The following SPICE1 variants were observed in gnomAD, a reference collection of about 807,000 sequenced individuals.
SPICE1 encodes the protein spindle and centriole-associated protein 1.
In SPICE1, 75 loss-of-function variants were observed where a neutral mutation model predicts 102.7. The ratio of observed to expected loss-of-function variants is 0.73; its 90% CI spans 0.61 to 0.88. The LOEUF (loss-of-function observed/expected upper bound fraction) is 0.88, where lower values mean the gene tolerates loss of function less well. SPICE1 is among the 40% of genes least tolerant of loss of function. The pLI is 0.00. For synonymous variants in SPICE1, 308 were observed against 350.3 expected, an observed-to-expected ratio of 0.88 and a Z score of 1.35; for missense variants, 979 against 1,020.1, an observed-to-expected ratio of 0.96 and a Z score of 0.55.
intron 1 of SPICE1, among the ~76,000 whole-genome samples, chr3:113,512,337 C>T (rs1937236849): frequency 6.6e-6 from 1 of 152,038 alleles, no homozygotes; most frequent in Non-Finnish European, 1.5e-5. Context: ...ATTTACTAAT[C>T]CTTAGTTCTA....
At chr3:113,504,796 C>G (rs1465488527) in intron 2 of SPICE1, among the ~76,000 whole-genome samples, 1 of 152,084 alleles carries the variant, frequency 6.6e-6, no homozygotes, top group Non-Finnish European at 1.5e-5. Flanking sequence ...ATCTACAAGC[C>G]ATTTCAGAAA....
chr3:113,452,190 C>T (rs1295893138), intron 14 of SPICE1, among the ~76,000 whole-genome samples: 2 of 152,182 alleles, frequency 1.3e-5, no homozygotes, highest in Admixed American at 1.3e-4. Context: ...GTTTATTTAA[C>T]TTACAAAACT....
chr3:113,454,721 G>GAA (rs758376797), intron 13 of SPICE1, among the ~76,000 whole-genome samples: 1 of 138,630 alleles, frequency 7.2e-6, no homozygotes, highest in Non-Finnish European at 1.6e-5. Flanking sequence ...CATCTCAAAG[G>GAA]AAAAAAAAAA....
intron 5 of SPICE1, 62 bp from the exon 6 acceptor site, chr3:113,493,374 C>G: frequency 7.8e-7 from 1 of 1,282,774 alleles, no homozygotes; most frequent in South Asian, 1.2e-5. Flanking sequence ...TTCACAAGCT[C>G]TATACTGCCA....
At chr3:113,470,467 T>C (rs918470870) in intron 7 of SPICE1, among the ~76,000 whole-genome samples, 3 of 152,214 alleles carry the variant, frequency 2.0e-5, no homozygotes, top group African/African-American at 7.2e-5. Context: ...CCATGACATA[T>C]GCAAGACACA....
chr3:113,477,651 C>T lies in SPICE1; in HGVS notation c.612-8413G>A, dbSNP rs376363743. Among the ~76,000 whole-genome samples, 228 of 151,926 alleles carry T rather than the reference C, an allele frequency of 1.5e-3. 3 individuals carry two copies. In the East Asian group the frequency reaches 0.036, roughly 24 times the overall value. ...GTCCTTTGTAGGGACATGGATGAAA[C>T]TGGAAATCATCATTCTCAGTAAACT... On this transcript the variant is annotated intron_variant, in intron 7 of 17. Coordinates refer to ENST00000295872, the MANE Select transcript of SPICE1 (RefSeq NM_144718.4).
chr3:113,503,489 C>A (rs1309688519), intron 2 of SPICE1, among the ~76,000 whole-genome samples: 2 of 151,958 alleles, frequency 1.3e-5, no homozygotes, highest in South Asian at 4.1e-4. Flanking sequence ...TATAGTAAAA[C>A]AATGAAAATA....
chr3:113,478,935 C>T (rs1477601301), intron 7 of SPICE1, among the ~76,000 whole-genome samples: 1 of 151,668 alleles, frequency 6.6e-6, no homozygotes, highest in African/African-American at 2.4e-5. Flanking sequence ...AACAAAGAGG[C>T]TCTGGAAATT....
At chr3:113,458,922 C>G in intron 12 of SPICE1, among the ~76,000 whole-genome samples, 1 of 151,558 alleles carries the variant, frequency 6.6e-6, no homozygotes, top group Non-Finnish European at 1.5e-5. Context: ...GAGGTGTACC[C>G]AACAGCTCAT....
Position 113,499,595 on chromosome 3 carries a change from G to C in SPICE1, c.148-13C>G. Reference sequence around the variant, plus strand: ...CATGACGGCGTACCTATACAGAAGAGAAAAGTACATAAAGGAATGTTTCAG... The same window carrying C: ...CATGACGGCGTACCTATACAGAAGACAAAAGTACATAAAGGAATGTTTCAG... On this transcript the variant is annotated splice_polypyrimidine_tract_variant and intron_variant, in intron 3 of 17. Transcript: ENST00000295872. 6.3e-7 allele frequency: 1 copy of C among 1,579,262 alleles called. No homozygotes were observed. Among genetic ancestry groups the C allele is most frequent in the East Asian group, 2.2e-5 (1 of 44,506 alleles).
At chr3:113,502,818 C>T (rs1343676491) in intron 3 of SPICE1, among the ~76,000 whole-genome samples, 2 of 151,690 alleles carry the variant, frequency 1.3e-5, no homozygotes, top group African/African-American at 4.8e-5. Flanking sequence ...TGGAAATACA[C>T]AGAAATTATT....
chr3:113,503,230 G>C lies in SPICE1; in HGVS notation c.100-3C>G, dbSNP rs1559976704. ...ACGGTTAGATCAGTCACGGTATTCT[G>C]TAAAAAAAGGTGGCCTTTCTTTAAA... is the stretch of plus-strand genomic sequence containing the variant. On this transcript the variant is annotated splice_polypyrimidine_tract_variant and splice_region_variant and intron_variant, in intron 2 of 17. Transcript: ENST00000295872. The C allele has an allele frequency of 3.8e-6, 6 of 1,561,436 alleles. No homozygotes were observed. The highest frequency in any genetic ancestry group is 4.3e-6 in the Non-Finnish European group (5 of 1,161,470).
chr3:113,460,363 G>A (rs1935902017), intron 12 of SPICE1: 2 of 904,024 alleles, frequency 2.2e-6, no homozygotes, highest in Non-Finnish European at 2.6e-6. Context: ...CACCAATGGG[G>A]ATAACAATAA....
chr3:113,460,531 A>G (rs1022051960), intron 12 of SPICE1, 86 bp downstream of exon 12: 1 of 1,506,236 alleles, frequency 6.6e-7, no homozygotes, highest in Non-Finnish European at 8.8e-7. Context: ...ATAAGTCTAT[A>G]TAAGTTTAGA....
At chr3:113,497,365 A>T (rs1936914655) in intron 4 of SPICE1, among the ~76,000 whole-genome samples, 1 of 152,212 alleles carries the variant, frequency 6.6e-6, no homozygotes, top group African/African-American at 2.4e-5. Context: ...CAGAAGCTTA[A>T]ACTATACTCT....
At chr3:113,468,964 T>C in intron 8 of SPICE1, 65 bp from the exon 9 acceptor site, 7 of 1,572,994 alleles carry the variant, frequency 4.5e-6, no homozygotes, top group Non-Finnish European at 6.0e-6. Context: ...GTATTTCAAT[T>C]GACAGATCCA....
At chr3:113,505,126 T>C (rs1937082226) in intron 2 of SPICE1, among the ~76,000 whole-genome samples, 1 of 152,164 alleles carries the variant, frequency 6.6e-6, no homozygotes, top group Non-Finnish European at 1.5e-5. Context: ...TTTTACATCC[T>C]GAAAACACTG....
intron 12 of SPICE1, among the ~76,000 whole-genome samples, chr3:113,458,967 C>T (rs988195825): frequency 1.8e-4 from 28 of 151,992 alleles, no homozygotes; most frequent in Non-Finnish European, 3.2e-4. Flanking sequence ...GCGGTTTTGT[C>T]GAATAGAAAA....
intron 3 of SPICE1, among the ~76,000 whole-genome samples, chr3:113,502,094 A>G (rs2107503185): frequency 6.6e-6 from 1 of 152,324 alleles, no homozygotes. Flanking sequence ...AACTACTATG[A>G]GCTGGGCGTG....
Sources: allele counts gnomAD v4.1 joint callset (sites outside exome capture counted in the v4.1 genomes callset), GRCh38; gene constraint gnomAD v4.1.1; transcripts MANE v1.5; gene names NCBI Gene and HGNC (gene_info 2026-07-23, HGNC 2026-07-21).